SLC44A5: variants seen among roughly 807,000 people sequenced by gnomAD.
SLC44A5 encodes the protein solute carrier family 44 member 5, also known as choline transporter-like protein 5.
A neutral mutation model predicts 101.8 loss-of-function variants in SLC44A5; 57 were observed. The ratio of observed to expected loss-of-function variants is 0.56; its 90% confidence interval spans 0.45 to 0.70. SLC44A5 has a LOEUF of 0.70. Among genes scored for constraint, SLC44A5 ranks in the 30% least tolerant of loss-of-function variants. The pLI, the probability that SLC44A5 is intolerant of heterozygous loss-of-function variation, is 0.00. For missense variants in SLC44A5, 737 were observed against 853.1 expected (o/e 0.86, Z 1.70); for synonymous variants, 281 against 290.9 (o/e 0.97, Z 0.35).
At chr1:75,207,477 T>C (rs1258954128) in intron 23 of SLC44A5, among the ~76,000 whole-genome samples, 2 of 152,182 alleles carry the variant, frequency 1.3e-5, no homozygotes, top group Non-Finnish European at 2.9e-5. Context: ...AGAATTATGC[T>C]GACAAACAAG....
chr1:75,664,869 A>G, the SLC44A5 span, among the ~76,000 whole-genome samples: 1 of 151,318 alleles, frequency 6.6e-6, no homozygotes, highest in African/African-American at 2.4e-5. Context: ...TGCAGTGAGC[A>G]GAGATTGCAC....
intron 2 of SLC44A5, among the ~76,000 whole-genome samples, chr1:75,449,026 C>T (rs1665745489): frequency 6.6e-6 from 1 of 152,168 alleles, no homozygotes; most frequent in Non-Finnish European, 1.5e-5. Flanking sequence ...GTTCATCCCT[C>T]TGACAAGAAT....
chr1:75,665,107 T>G, the SLC44A5 span, among the ~76,000 whole-genome samples: 1 of 152,020 alleles, frequency 6.6e-6, no homozygotes, highest in African/African-American at 2.4e-5. Context: ...GAAAGAACTA[T>G]TTTAAAATTC....
At chr1:75,355,587 T>C (rs1659004708) in intron 3 of SLC44A5, among the ~76,000 whole-genome samples, 1 of 152,208 alleles carries the variant, frequency 6.6e-6, no homozygotes, top group Non-Finnish European at 1.5e-5. Context: ...ATTAGAGTTA[T>C]GCATCACATA....
chr1:75,665,935 T>C, the SLC44A5 span, among the ~76,000 whole-genome samples: 1 of 152,026 alleles, frequency 6.6e-6, no homozygotes, highest in East Asian at 1.9e-4. Flanking sequence ...CTCATACCAG[T>C]CAGAATGGCT....
At chr1:75,597,924 G>GA (rs879042167) in intron 1 of SLC44A5, among the ~76,000 whole-genome samples, 4 of 151,928 alleles carry the variant, frequency 2.6e-5, no homozygotes, top group Non-Finnish European at 4.4e-5. Context: ...TGCAACAAAA[G>GA]AAAAAAATTG....
At chr1:75,623,740 C>G in the SLC44A5 span, among the ~76,000 whole-genome samples, 10 of 152,166 alleles carry the variant, frequency 6.6e-5, no homozygotes, top group African/African-American at 2.4e-4. Flanking sequence ...AAGTACCAGC[C>G]TGGTTCTTGT....
At chr1:75,534,716 A>G (rs1453496814) in intron 2 of SLC44A5, among the ~76,000 whole-genome samples, 2 of 152,378 alleles carry the variant, frequency 1.3e-5, no homozygotes, top group East Asian at 1.9e-4. Flanking sequence ...AATAACTTCC[A>G]TTACTGAATC....
intron 1 of SLC44A5, among the ~76,000 whole-genome samples, chr1:75,552,966 C>T (rs975062815): frequency 6.6e-6 from 1 of 152,058 alleles, no homozygotes; most frequent in Non-Finnish European, 1.5e-5. Context: ...TTTAATCTAT[C>T]GTTCCTGACA....
chr1:75,682,460 A>G, the SLC44A5 span, among the ~76,000 whole-genome samples: 1 of 151,880 alleles, frequency 6.6e-6, no homozygotes, highest in African/African-American at 2.4e-5. Flanking sequence ...ACATATCTAC[A>G]ACTATCTGAT....
At chr1:75,416,752 A>T (rs1663674140) in intron 2 of SLC44A5, among the ~76,000 whole-genome samples, 1 of 152,232 alleles carries the variant, frequency 6.6e-6, no homozygotes, top group African/African-American at 2.4e-5. Flanking sequence ...GATGTGAGAC[A>T]TGGAGTCAAA....
At chr1:75,573,446 T>C (rs1012774742) in intron 1 of SLC44A5, among the ~76,000 whole-genome samples, 2 of 152,188 alleles carry the variant, frequency 1.3e-5, no homozygotes, top group Non-Finnish European at 2.9e-5. Context: ...GGCTAAGGAT[T>C]GCAGTTTTTT....
At chr1:75,218,114 T>C (rs908926355) in intron 17 of SLC44A5, among the ~76,000 whole-genome samples, 154 bp from the exon 18 acceptor site, 1 of 152,116 alleles carries the variant, frequency 6.6e-6, no homozygotes, top group Non-Finnish European at 1.5e-5. Context: ...AAAGTCTCTA[T>C]AGAGGATTTT....
the SLC44A5 span, among the ~76,000 whole-genome samples, chr1:75,620,709 C>G: frequency 6.6e-6 from 1 of 151,886 alleles, no homozygotes; most frequent in Admixed American, 6.6e-5. Flanking sequence ...TATTTAAATT[C>G]TTTGTAGATT....
the SLC44A5 span, among the ~76,000 whole-genome samples, chr1:75,628,489 T>TA: frequency 2.0e-5 from 3 of 152,314 alleles, no homozygotes; most frequent in East Asian, 5.8e-4. Context: ...GCAAATCACT[T>TA]AAACATTATG....
At chr1:75,407,110 T>C (rs1168189868) in intron 2 of SLC44A5, among the ~76,000 whole-genome samples, 1 of 152,056 alleles carries the variant, frequency 6.6e-6, no homozygotes, top group Non-Finnish European at 1.5e-5. Flanking sequence ...CAATTCACAA[T>C]TGCTGCTAAG....
chr1:75,663,592 C>T, the SLC44A5 span, among the ~76,000 whole-genome samples: 22 of 152,100 alleles, frequency 1.4e-4, no homozygotes, highest in Non-Finnish European at 3.2e-4. Flanking sequence ...TAGACATACA[C>T]AATCTCCTTG....
intron 3 of SLC44A5, among the ~76,000 whole-genome samples, chr1:75,340,919 T>G (rs1657827638): frequency 6.6e-6 from 1 of 152,232 alleles, no homozygotes; most frequent in East Asian, 1.9e-4. Flanking sequence ...TAATGGCATT[T>G]ATCTTGTGGT....
chr1:75,482,360 T>C (rs1375097576), intron 2 of SLC44A5, among the ~76,000 whole-genome samples: 1 of 152,086 alleles, frequency 6.6e-6, no homozygotes, highest in Non-Finnish European at 1.5e-5. Context: ...GCATGGCACA[T>C]GTGTACATAT....
Sources: allele counts gnomAD v4.1 joint callset (sites outside exome capture counted in the v4.1 genomes callset), GRCh38; gene constraint gnomAD v4.1.1; transcripts MANE v1.5; gene names NCBI Gene and HGNC (gene_info 2026-07-23, HGNC 2026-07-21).